Variants in USH2A observed in about 807,000 individuals in gnomAD.
The protein encoded by USH2A is Usher syndrome 2A (autosomal recessive, mild).
USH2A carries 443 observed loss-of-function variants against 538.9 expected under a neutral mutation model. The observed-to-expected ratio is 0.82, with a 90% CI of 0.76 to 0.89. USH2A has a LOEUF of 0.89. Ranked by LOEUF, USH2A falls within the 40% of genes least tolerant of loss-of-function variation. USH2A has a pLI of 0.00. For missense variants in USH2A, 6,633 were observed against 6,324.8 expected, an observed-to-expected ratio of 1.05 and a Z score of -1.65; for synonymous variants, 2,413 against 2,273.5, an observed-to-expected ratio of 1.06 and a Z score of -1.75.
At chr1:216,050,559 T>TC (rs1491283652) in intron 30 of USH2A, among the ~76,000 whole-genome samples, 2,239 of 86,822 alleles carry the variant, frequency 0.026, 330 homozygotes, top group African/African-American at 0.074. Flanking sequence ...AATTTGTATC[T>TC]TTTTCTTTCT....
intron 3 of USH2A, among the ~76,000 whole-genome samples, chr1:216,397,026 T>C (rs1571778312): frequency 1.3e-5 from 2 of 152,196 alleles, no homozygotes; most frequent in African/African-American, 2.4e-5. Flanking sequence ...ATATTCCTGA[T>C]TGAGAATTAA....
chr1:215,721,950 A>G (rs1438946029), intron 61 of USH2A, among the ~76,000 whole-genome samples: 1 of 152,048 alleles, frequency 6.6e-6, no homozygotes, highest in Non-Finnish European at 1.5e-5. Context: ...CTATAGTCCC[A>G]GCTACTTGGG....
At chr1:216,143,538 C>G (rs1205406521) in intron 21 of USH2A, among the ~76,000 whole-genome samples, 1 of 152,060 alleles carries the variant, frequency 6.6e-6, no homozygotes, top group African/African-American at 2.4e-5. Context: ...GATTGAAATG[C>G]CCTAAAGAGT....
intron 9 of USH2A, among the ~76,000 whole-genome samples, chr1:216,301,707 T>G (rs1303919220): frequency 6.6e-6 from 1 of 152,312 alleles, no homozygotes; most frequent in South Asian, 2.1e-4. Flanking sequence ...AGTGAAAGAT[T>G]ATAAAATGAT....
At chr1:215,838,906 T>C (rs1400704138) in intron 46 of USH2A, among the ~76,000 whole-genome samples, 1 of 152,192 alleles carries the variant, frequency 6.6e-6, no homozygotes, top group Non-Finnish European at 1.5e-5. Flanking sequence ...AAGCATCTAA[T>C]ATATAAATAG....
chr1:216,283,653 CA>C (rs2036827836), intron 11 of USH2A, among the ~76,000 whole-genome samples: 1 of 152,010 alleles, frequency 6.6e-6, no homozygotes, highest in African/African-American at 2.4e-5. Context: ...TCTCAAATCA[CA>C]AAAAATTGTG....
intron 4 of USH2A, among the ~76,000 whole-genome samples, chr1:216,341,121 T>G (rs910421962): frequency 6.6e-6 from 1 of 152,080 alleles, no homozygotes; most frequent in African/African-American, 2.4e-5. Flanking sequence ...CAAAATTCCT[T>G]AAGCTGATAA....
chr1:215,634,172 T>A lies in USH2A; in HGVS notation c.15297+287A>T, dbSNP rs1369935716. On this transcript the variant is annotated intron_variant, in intron 70 of 71. Transcript: ENST00000307340. The stretch of plus-strand genomic sequence containing the variant: ...TTACACATTAAAATCAGTTTTGGAG[T>A]GAAGAAAAGAATACCAATCTTCAGG... Among the ~76,000 whole-genome samples, 7 of 152,058 alleles carry A rather than the reference T, an allele frequency of 4.6e-5. No homozygotes were observed. The East Asian group carries it at 1.3e-3, about 29-fold the overall frequency.
chr1:216,387,947 C>T (rs1029750153), intron 3 of USH2A, among the ~76,000 whole-genome samples: 1 of 152,050 alleles, frequency 6.6e-6, no homozygotes, highest in Non-Finnish European at 1.5e-5. Context: ...GCTCTCCTGA[C>T]CTTCTAACCC....
At chr1:216,011,594 TC>T (rs1333316249) in intron 32 of USH2A, among the ~76,000 whole-genome samples, 3 of 152,072 alleles carry the variant, frequency 2.0e-5, no homozygotes, top group Non-Finnish European at 4.4e-5. Context: ...AGCCTTTCTG[TC>T]CAAACAACTT....
At chr1:215,980,927 T>C (rs1667738189) in intron 35 of USH2A, among the ~76,000 whole-genome samples, 1 of 152,126 alleles carries the variant, frequency 6.6e-6, no homozygotes, top group Non-Finnish European at 1.5e-5. Context: ...TGTATATGTG[T>C]CTTGAAGCGC....
chr1:216,217,389 T>A lies in USH2A; in HGVS notation c.3155A>T (p.Lys1052Ile), dbSNP rs746750357. Residue 1052 changes from lysine to isoleucine, a missense_variant and splice_region_variant, in exon 15 of 72, where the codon AAA becomes ATA. Lys to Ile is a moderately radical substitution (Grantham distance 102). Transcript: ENST00000307340. ...GCACTGAACCAGAGTTCACTTACTT[T>A]TGCTGCAACCCAATAGATTGTTGAC... ...LDVNNLLGCS[K>I]TPFQQPPPRG... The A allele has an allele frequency of 6.2e-7, 1 of 1,612,934 alleles. No homozygotes were observed. Among genetic ancestry groups the A allele is most frequent in the Non-Finnish European group, 8.5e-7 (1 of 1,179,240 alleles).
chr1:215,639,317 G>C, intron 68 of USH2A, 79 bp from the exon 69 acceptor site: 1 of 1,304,808 alleles, frequency 7.7e-7, no homozygotes, highest in South Asian at 1.2e-5. Flanking sequence ...AAAGAGCAAT[G>C]CATCATAGCA....
intron 21 of USH2A, among the ~76,000 whole-genome samples, chr1:216,155,160 A>C (rs1489118564): frequency 6.6e-6 from 1 of 152,150 alleles, no homozygotes; most frequent in East Asian, 1.9e-4. Context: ...TTTAGTTCAT[A>C]GTTTAACTTG....
intron 55 of USH2A, among the ~76,000 whole-genome samples, chr1:215,772,136 G>A (rs1405602489): frequency 6.6e-6 from 1 of 152,122 alleles, no homozygotes; most frequent in Non-Finnish European, 1.5e-5. Context: ...TCTATCGGTA[G>A]TCCTTAAAAT....
At chr1:215,983,825 C>T (rs974203909) in intron 35 of USH2A, among the ~76,000 whole-genome samples, 14 of 152,192 alleles carry the variant, frequency 9.2e-5, no homozygotes, top group Admixed American at 3.3e-4. Context: ...CCAGCTAGTA[C>T]TAGCTAAGAT....
In USH2A at chr1:215,938,080, T is replaced by C. The variant is rs559145370; in HGVS notation, c.7121-3285A>G. ...ACATTAAGTTCTAGTTATAGAACAA[T>C]GATTACTCAGTAATTATAAGAAGTA... On this transcript the variant is annotated intron_variant, in intron 37 of 71. Transcript: ENST00000307340. Among the ~76,000 whole-genome samples, 12 of 152,210 alleles carry C rather than the reference T, an allele frequency of 7.9e-5. No individual in the cohort carries two copies. The South Asian group carries it at 2.5e-3, about 32-fold the overall frequency.
chr1:215,829,194 C>A (rs954814892), intron 47 of USH2A, among the ~76,000 whole-genome samples: 3 of 152,158 alleles, frequency 2.0e-5, no homozygotes, highest in Non-Finnish European at 4.4e-5. Context: ...GTCTCTGAAG[C>A]AGCAGCTTAT....
At chr1:215,639,731 A>T (rs542846009) in intron 68 of USH2A, among the ~76,000 whole-genome samples, 25 of 152,316 alleles carry the variant, frequency 1.6e-4, no homozygotes, top group Non-Finnish European at 3.5e-4. Flanking sequence ...GCCAGGTAGA[A>T]CCTGTGTCTC....
Sources: gnomAD v4.1 joint callset for allele counts (sites outside exome capture counted in the v4.1 genomes callset) on GRCh38, gnomAD v4.1.1 for gene constraint, MANE v1.5 for transcripts, NCBI Gene and HGNC (gene_info 2026-07-23, HGNC 2026-07-21) for gene names.